HDAC11: variants seen among roughly 807,000 people sequenced by gnomAD.
HDAC11 encodes histone deacetylase 11.
In HDAC11, 23 loss-of-function variants were observed where a neutral mutation model predicts 41.1. That is an observed-to-expected ratio of 0.56 (90% CI 0.40 to 0.79). The LOEUF (loss-of-function observed/expected upper bound fraction) is 0.79, where lower values mean the gene tolerates loss of function less well. Among genes scored for constraint, HDAC11 ranks in the 30% least tolerant of loss-of-function variants. HDAC11 has a pLI of 0.00. For missense variants in HDAC11, 402 were observed against 477.3 expected, an observed-to-expected ratio of 0.84 and a Z score of 1.47; for synonymous variants, 187 against 186.6, an observed-to-expected ratio of 1.00 and a Z score of -0.02.
rs199861928 is a variant in HDAC11 at position 13,500,784 on chromosome 3, A to G, written c.484A>G (p.Ile162Val). ...FCAYADITLA[I>V]KFLFERVEGI... ...TGCCTATGCGGACATCACGCTCGCC[A>G]TCAAGGTGTGTCTATGAGCAAGTGG... is the stretch of plus-strand genomic sequence containing the variant. Residue 162 changes from isoleucine to valine, a missense_variant, in exon 6 of 10, where the codon ATC becomes GTC. Coordinates refer to ENST00000295757, the MANE Select transcript of HDAC11 (RefSeq NM_024827.4). The G allele has an allele frequency of 5.7e-6, 9 of 1,567,624 alleles. No individual in the cohort carries two copies. Among genetic ancestry groups the G allele is most frequent in the Non-Finnish European group, 7.8e-6 (9 of 1,153,672 alleles).
At chr3:13,484,448 C>T (rs983318976) in intron 3 of HDAC11, among the ~76,000 whole-genome samples, 2 of 152,226 alleles carry the variant, frequency 1.3e-5, no homozygotes, top group Admixed American at 1.3e-4. Flanking sequence ...GGCGGCTCCT[C>T]AGCTCCACTG....
At chr3:13,484,589 C>T (rs549500819) in intron 3 of HDAC11, among the ~76,000 whole-genome samples, 42 of 151,978 alleles carry the variant, frequency 2.8e-4, no homozygotes, top group Admixed American at 2.0e-3. Context: ...TGCAGTGGCA[C>T]GATCTCAGCT....
chr3:13,492,661 C>G (rs1182905394), intron 3 of HDAC11, among the ~76,000 whole-genome samples: 1 of 152,148 alleles, frequency 6.6e-6, no homozygotes, highest in Admixed American at 6.5e-5. Context: ...TCTCCTCCCT[C>G]GCCTCCTGAG....
Position 13,502,127 on chromosome 3 carries a change from AG to A in HDAC11, c.552+197del. 1.9e-5 allele frequency: 11 copies of A among 577,702 alleles called. No homozygotes were observed. In the South Asian group the frequency reaches 2.5e-4, roughly 13 times the overall value. The allele number at this position is 577,702 out of a possible 1,614,324, so 35.8% of individuals were successfully genotyped here. ...CAGCGGGTCCTCCTCATTGCTCCCG[AG>A]GGTCCTCCCTCCCTCCTCCTGACTG... On this transcript the variant is annotated intron_variant, in intron 7 of 9. Transcript: ENST00000295757. The surrounding 1 kb of genome is among the most constrained non-coding windows in gnomAD (Gnocchi z 4.1).
In HDAC11 at chr3:13,506,242, C is replaced by T. The variant is rs1360893644; in HGVS notation, c.*1559C>T. The stretch of plus-strand genomic sequence containing the variant: ...GCTCAGCCACAGACATGGTTTGTCA[C>T]TGTTGAGCTTCTGTTCCTAGAGAAT... On this transcript the variant is annotated 3_prime_UTR_variant, in exon 10 of 10. Transcript: ENST00000295757. The T allele has an allele frequency of 6.6e-6, 1 of 152,122 alleles. No homozygotes were observed. The highest frequency in any genetic ancestry group is 1.5e-5 in the Non-Finnish European group (1 of 68,076). The allele number at this position is 152,122 out of a possible 1,614,324, so 9.4% of individuals were successfully genotyped here.
At chr3:13,490,744 C>CTTTTTTT (rs59531656) in intron 3 of HDAC11, among the ~76,000 whole-genome samples, 10 of 41,450 alleles carry the variant, frequency 2.4e-4, no homozygotes, top group South Asian at 1.2e-3. Flanking sequence ...GCATTTTTTT[C>CTTTTTTT]TTTTTTTTTT....
chr3:13,486,976 C>T (rs1481046035), intron 3 of HDAC11, among the ~76,000 whole-genome samples: 2 of 152,054 alleles, frequency 1.3e-5, no homozygotes, highest in Admixed American at 6.5e-5. Flanking sequence ...CTTGGGAGGC[C>T]GGATGGAAGG....
At chr3:13,488,132 A>AC (rs1701680292) in intron 3 of HDAC11, among the ~76,000 whole-genome samples, 2 of 151,798 alleles carry the variant, frequency 1.3e-5, no homozygotes, top group Admixed American at 1.3e-4. Flanking sequence ...GGAGACACAG[A>AC]CCATAGCTCC....
At chr3:13,492,328 G>A (rs1701902350) in intron 3 of HDAC11, among the ~76,000 whole-genome samples, 1 of 152,224 alleles carries the variant, frequency 6.6e-6, no homozygotes, top group Non-Finnish European at 1.5e-5. Context: ...AGCCAGAAAA[G>A]GGGATCAACG....
intron 3 of HDAC11, among the ~76,000 whole-genome samples, chr3:13,491,068 T>TTGTGTGTGTG (rs58333021): frequency 3.6e-5 from 5 of 140,404 alleles, no homozygotes; most frequent in East Asian, 2.1e-4. Context: ...GCTTTAATAG[T>TTGTGTGTGTG]TGTGTGTGTG....
In HDAC11 at chr3:13,504,683, A is replaced by G; in HGVS notation, c.1044A>G (p.Ter348TrpextTer32). ...CGCTGCTTCCCCCTGCAGTGCCCTG[A>G]CCCTTGCTGCCCTGCCTGTCACGTG... The part of the protein sequence containing the change: ...DTPLLPPAVP[*>W] The change falls in exon 10 of 10, where the codon TGA (stop) becomes TGG (tryptophan). Residue 348 changes from the stop codon to tryptophan (W), a stop_lost. Coordinates refer to ENST00000295757, the MANE Select transcript of HDAC11 (RefSeq NM_024827.4). The G allele has an allele frequency of 6.2e-7, 1 of 1,612,638 alleles. No homozygotes were observed.
chr3:13,480,492 G>A lies in HDAC11; in HGVS notation c.2+143G>A, dbSNP rs1701253914. On this transcript the variant is annotated intron_variant, in intron 1 of 9. Transcript: ENST00000295757. This position sits in a 1 kb window ranked among gnomAD's most constrained non-coding sequence, Gnocchi z 4.6. Reference sequence around the variant, plus strand: ...GTGAGGGGTGAGGGACGCTCGGGACGGGTGTTTCCAGGCCCTCCCGGCGCG... The same window carrying A: ...GTGAGGGGTGAGGGACGCTCGGGACAGGTGTTTCCAGGCCCTCCCGGCGCG... 2.3e-6 allele frequency: 1 copy of A among 428,036 alleles called. No individual in the cohort carries two copies. The highest frequency in any genetic ancestry group is 3.7e-6 in the Non-Finnish European group (1 of 273,000). The allele number at this position is 428,036 out of a possible 1,614,324, so 26.5% of individuals were successfully genotyped here. A position where few individuals can be genotyped will look rare whatever the true frequency, so the allele number is the denominator to read the frequency against.
Position 13,480,450 on chromosome 3 carries a change from AG to A in HDAC11, c.2+104del. ...GACGGCCGGGCGGGCGCGCCAGGTAAGGGCCCAGATTTGCTGGTGAGGGGTG... is the reference window on the plus strand; with the variant it reads ...GACGGCCGGGCGGGCGCGCCAGGTAAGGCCCAGATTTGCTGGTGAGGGGTG... On this transcript the variant is annotated intron_variant, in intron 1 of 9. Transcript: ENST00000295757. The surrounding 1 kb of genome is among the most constrained non-coding windows in gnomAD (Gnocchi z 4.6). 1.4e-6 allele frequency: 1 copy of A among 724,428 alleles called. No individual in the cohort carries two copies. Among genetic ancestry groups the A allele is most frequent in the Non-Finnish European group, 1.8e-6 (1 of 541,184 alleles). The allele number at this position is 724,428 out of a possible 1,614,324, so 44.9% of individuals were successfully genotyped here. A position where few individuals can be genotyped will look rare whatever the true frequency, so the allele number is the denominator to read the frequency against.
At position 13,504,896 on chromosome 3, in the gene HDAC11, C is replaced by T; in HGVS notation, c.*213C>T. 1.7e-6 allele frequency: 1 copy of T among 601,826 alleles called. No homozygotes were observed. Among genetic ancestry groups the T allele is most frequent in the East Asian group, 2.8e-5 (1 of 35,998 alleles). 37.3% of individuals were successfully genotyped at this position (601,826 alleles called of 1,614,324 possible). On this transcript the variant is annotated 3_prime_UTR_variant, in exon 10 of 10. Coordinates refer to ENST00000295757, the MANE Select transcript of HDAC11 (RefSeq NM_024827.4). ...TATGGGTGGGGGCAGAAGGCAGAGC[C>T]TGTGTCCCAGGGGGACCCACACGAA...
chr3:13,490,119 G>A (rs930656223), intron 3 of HDAC11, among the ~76,000 whole-genome samples: 3 of 151,678 alleles, frequency 2.0e-5, no homozygotes, highest in South Asian at 2.1e-4. Flanking sequence ...TCAGCCTCCC[G>A]AGTAGCTGGG....
At chr3:13,497,621 T>A (rs1015829304) in intron 4 of HDAC11, among the ~76,000 whole-genome samples, 2 of 152,038 alleles carry the variant, frequency 1.3e-5, no homozygotes, top group Admixed American at 1.3e-4. Context: ...TGTGGTTTTT[T>A]TAAAAAAATG....
chr3:13,499,932 C>A (rs935483966), intron 5 of HDAC11, among the ~76,000 whole-genome samples: 2 of 152,252 alleles, frequency 1.3e-5, no homozygotes, highest in East Asian at 3.9e-4. Flanking sequence ...TTGCTGACCT[C>A]CTCTGTGGGT....
In HDAC11 at chr3:13,502,223, G is replaced by A. The variant is rs948290510; in HGVS notation, c.552+290G>A. ...TCTCGTGTGCAGAGCTCTGCTGTGG[G>A]TCCCCATTGCTTATGAATAATTTGG... On this transcript the variant is annotated intron_variant, in intron 7 of 9. Transcript: ENST00000295757. The surrounding 1 kb of genome is among the most constrained non-coding windows in gnomAD (Gnocchi z 4.1). 7 of 407,246 alleles carry A rather than the reference G, an allele frequency of 1.7e-5. No homozygotes were observed. Among genetic ancestry groups the A allele is most frequent in the African/African-American group, 6.0e-5 (3 of 49,604 alleles). 25.2% of individuals were successfully genotyped at this position (407,246 alleles called of 1,614,324 possible). A position where few individuals can be genotyped will look rare whatever the true frequency, so the allele number is the denominator to read the frequency against.
chr3:13,497,995 A>G (rs1409947904), intron 4 of HDAC11, among the ~76,000 whole-genome samples: 1 of 150,830 alleles, frequency 6.6e-6, no homozygotes, highest in East Asian at 2.0e-4. Context: ...AGCTGGGATT[A>G]CAGGCACACG....
Sources: gnomAD v4.1 joint callset for allele counts (sites outside exome capture counted in the v4.1 genomes callset) on GRCh38, gnomAD v4.1.1 for gene constraint, Gnocchi (gnomAD v3.1) non-coding constraint, MANE v1.5 for transcripts, NCBI Gene and HGNC (gene_info 2026-07-23, HGNC 2026-07-21) for gene names.